LINGO2: variants seen among roughly 807,000 people sequenced by gnomAD.
LINGO2 encodes leucine-rich repeat and immunoglobulin-like domain-containing nogo receptor-interacting protein 2.
In LINGO2, 14 loss-of-function variants were observed where a neutral mutation model predicts 30.6. The observed-to-expected ratio is 0.46, with a 90% confidence interval of 0.30 to 0.72. LINGO2 has a LOEUF of 0.72. Among genes scored for constraint, LINGO2 ranks in the 30% least tolerant of loss-of-function variants. The pLI is 0.07. For missense variants in LINGO2, 729 were observed against 751.7 expected (o/e 0.97, Z 0.35); for synonymous variants, 317 against 288.5 (o/e 1.10, Z -1.00).
the LINGO2 span, among the ~76,000 whole-genome samples, chr9:28,991,033 G>C: frequency 2.0e-5 from 3 of 152,220 alleles, no homozygotes; most frequent in African/African-American, 7.2e-5. Flanking sequence ...TTGATGAGTT[G>C]AGAGAAGAAG....
chr9:27,942,938 T>C, the LINGO2 span: 13 of 152,184 alleles, frequency 8.5e-5, no homozygotes, highest in Non-Finnish European at 1.8e-4. Flanking sequence ...ATTTTGTAAC[T>C]GGGGAGAAAA....
the LINGO2 span, among the ~76,000 whole-genome samples, chr9:28,980,446 C>G: frequency 6.6e-6 from 1 of 152,212 alleles, no homozygotes. Context: ...GCCAGAAAGA[C>G]ATACAGAATC....
the LINGO2 span, among the ~76,000 whole-genome samples, chr9:28,978,513 T>A: frequency 2.0e-5 from 3 of 152,070 alleles, no homozygotes; most frequent in African/African-American, 7.2e-5. Context: ...AAAATGGGAA[T>A]AATGCTCTAG....
At chr9:28,557,603 TC>T (rs1190576176) in intron 1 of LINGO2, among the ~76,000 whole-genome samples, 3 of 151,834 alleles carry the variant, frequency 2.0e-5, no homozygotes, top group Non-Finnish European at 4.4e-5. Context: ...TCCTCAGGGA[TC>T]TAGAACTAGA....
chr9:28,585,152 T>G (rs1490972134), intron 1 of LINGO2, among the ~76,000 whole-genome samples: 1 of 152,042 alleles, frequency 6.6e-6, no homozygotes, highest in East Asian at 1.9e-4. Flanking sequence ...ACAATAGTGT[T>G]TTTTATTATT....
intron 1 of LINGO2, among the ~76,000 whole-genome samples, chr9:28,524,477 G>A (rs545447112): frequency 3.9e-5 from 6 of 152,254 alleles, no homozygotes; most frequent in East Asian, 1.9e-4. Flanking sequence ...AGGAAGGGCC[G>A]GGCGTGGTGG....
the LINGO2 span, among the ~76,000 whole-genome samples, chr9:29,151,926 C>T: frequency 3.4e-4 from 52 of 152,072 alleles, no homozygotes; most frequent in African/African-American, 1.2e-3. Context: ...CAAGATTAAA[C>T]GAGGAAGAAA....
intron 1 of LINGO2, among the ~76,000 whole-genome samples, chr9:28,506,469 C>T (rs1371956875): frequency 2.8e-4 from 6 of 21,758 alleles, no homozygotes; most frequent in African/African-American, 5.3e-4. Flanking sequence ...CACATACACA[C>T]ACACACACAC....
chr9:28,141,230 C>T (rs1827663009), intron 4 of LINGO2, among the ~76,000 whole-genome samples: 1 of 152,146 alleles, frequency 6.6e-6, no homozygotes, highest in Non-Finnish European at 1.5e-5. Flanking sequence ...TGGGTCTGGC[C>T]CTCACTTTGG....
At chr9:28,082,642 T>A (rs1825804540) in intron 4 of LINGO2, among the ~76,000 whole-genome samples, 1 of 152,178 alleles carries the variant, frequency 6.6e-6, no homozygotes, top group African/African-American at 2.4e-5. Context: ...GTTTTTCTAA[T>A]CAGAGTTGTA....
At chr9:28,650,926 T>TA (rs1262370827) in intron 1 of LINGO2, among the ~76,000 whole-genome samples, 4 of 152,104 alleles carry the variant, frequency 2.6e-5, no homozygotes, top group African/African-American at 4.8e-5. Context: ...TGCGATGGCT[T>TA]ACGCCTGTAA....
At chr9:28,941,944 G>T in the LINGO2 span, among the ~76,000 whole-genome samples, 1 of 152,008 alleles carries the variant, frequency 6.6e-6, no homozygotes, top group Admixed American at 6.6e-5. Flanking sequence ...AAGAAATAAG[G>T]TACTCCCCCT....
the LINGO2 span, among the ~76,000 whole-genome samples, chr9:28,728,627 A>C: frequency 6.6e-6 from 1 of 152,128 alleles, no homozygotes; most frequent in East Asian, 1.9e-4. Flanking sequence ...ACGGAAAAAA[A>C]CATACTGCTA....
intron 4 of LINGO2, among the ~76,000 whole-genome samples, chr9:28,041,100 A>G (rs1447044722): frequency 6.6e-6 from 1 of 152,202 alleles, no homozygotes; most frequent in African/African-American, 2.4e-5. Flanking sequence ...AACTTTCCAA[A>G]AAAGCTACCA....
chr9:28,625,133 G>A (rs1339621881), intron 1 of LINGO2, among the ~76,000 whole-genome samples: 1 of 152,030 alleles, frequency 6.6e-6, no homozygotes, highest in African/African-American at 2.4e-5. Flanking sequence ...TGGTGGTGAG[G>A]CTTGCCAAAG....
intron 1 of LINGO2, among the ~76,000 whole-genome samples, chr9:28,635,099 T>C (rs769528817): frequency 2.0e-5 from 3 of 152,196 alleles, no homozygotes; most frequent in Non-Finnish European, 4.4e-5. Flanking sequence ...AATAGCTTCT[T>C]GATGACATTT....
chr9:28,798,551 G>A, the LINGO2 span, among the ~76,000 whole-genome samples: 1 of 152,126 alleles, frequency 6.6e-6, no homozygotes, highest in Non-Finnish European at 1.5e-5. Flanking sequence ...CTTGAAAAAG[G>A]ACGTACTGAT....
the LINGO2 span, among the ~76,000 whole-genome samples, chr9:28,943,829 T>TAA: frequency 6.6e-6 from 1 of 152,184 alleles, no homozygotes; most frequent in African/African-American, 2.4e-5. Context: ...GGTACATGTA[T>TAA]AATATCTAGG....
intron 3 of LINGO2, among the ~76,000 whole-genome samples, chr9:28,348,316 C>A (rs926158776): frequency 6.6e-6 from 1 of 152,034 alleles, no homozygotes; most frequent in East Asian, 1.9e-4. Context: ...CAAAGCAGGG[C>A]GAGGCATTGC....
Sources: allele counts gnomAD v4.1 joint callset (sites outside exome capture counted in the v4.1 genomes callset), GRCh38; gene constraint gnomAD v4.1.1; transcripts MANE v1.5; gene names NCBI Gene and HGNC (gene_info 2026-07-23, HGNC 2026-07-21).